Variants in ATF2 observed in about 807,000 individuals in gnomAD.
ATF2 encodes cyclic AMP-dependent transcription factor ATF-2.
A neutral mutation model predicts 60.6 loss-of-function variants in ATF2; 24 were observed. That is an observed-to-expected ratio of 0.40 (90% CI 0.29 to 0.56). ATF2 has a LOEUF of 0.56. Among genes scored for constraint, ATF2 ranks in the 20% least tolerant of loss-of-function variants. The pLI, the probability that ATF2 is intolerant of heterozygous loss-of-function variation, is 0.54. For missense variants in ATF2, 433 were observed against 607.7 expected (o/e 0.71, Z 3.02); for synonymous variants, 206 against 215.4 (o/e 0.96, Z 0.38).
intron 2 of ATF2, 146 bp from the exon 3 acceptor site, chr2:175,136,632 T>C (rs900152942): frequency 5.1e-6 from 3 of 585,266 alleles, no homozygotes; most frequent in Non-Finnish European, 9.2e-6. Flanking sequence ...AATAGAGTAC[T>C]GCTCTTGAAA....
chr2:175,131,618 A>T (rs1368385572), intron 3 of ATF2, among the ~76,000 whole-genome samples: 1 of 152,200 alleles, frequency 6.6e-6, no homozygotes, highest in African/African-American at 2.4e-5. Flanking sequence ...TCTAAATAAC[A>T]TATTATCCTT....
intron 5 of ATF2, among the ~76,000 whole-genome samples, chr2:175,120,761 CAT>C (rs1318426534): frequency 6.6e-6 from 1 of 151,434 alleles, no homozygotes; most frequent in Non-Finnish European, 1.5e-5. Flanking sequence ...TTATACATGA[CAT>C]ATATGTATAT....
chr2:175,121,130 T>C (rs1193979306), intron 5 of ATF2, among the ~76,000 whole-genome samples: 2 of 151,940 alleles, frequency 1.3e-5, no homozygotes, highest in African/African-American at 2.4e-5. Context: ...CTAAAAGAAA[T>C]GCTGACTAAA....
intron 10 of ATF2, among the ~76,000 whole-genome samples, chr2:175,109,168 T>TCAAAA (rs746681708): frequency 2.4e-5 from 2 of 82,602 alleles, no homozygotes; most frequent in Non-Finnish European, 4.4e-5. Flanking sequence ...GAATGATCAA[T>TCAAAA]AAAAAAAAAA....
chr2:175,108,561 G>A (rs1175927272), intron 10 of ATF2, among the ~76,000 whole-genome samples: 2 of 149,546 alleles, frequency 1.3e-5, no homozygotes, highest in Non-Finnish European at 3.0e-5. Context: ...GGAGGTGGGG[G>A]GCGCCTCCGC....
chr2:175,118,419 T>C, intron 5 of ATF2, 50 bp from the exon 6 acceptor site: 1 of 1,440,226 alleles, frequency 6.9e-7, no homozygotes, highest in Non-Finnish European at 9.6e-7. Context: ...ATGTTAAGAC[T>C]CTAAAATATA....
chr2:175,096,909 G>A (rs1035706342), intron 11 of ATF2, among the ~76,000 whole-genome samples: 4 of 152,068 alleles, frequency 2.6e-5, no homozygotes, highest in African/African-American at 9.7e-5. Context: ...GGTTACATAG[G>A]AGAACAGTTC....
chr2:175,148,645 C>A (rs895623753), intron 2 of ATF2, among the ~76,000 whole-genome samples: 4 of 152,086 alleles, frequency 2.6e-5, no homozygotes, highest in Non-Finnish European at 5.9e-5. Context: ...ACACAGAGAC[C>A]GTAAGATTGA....
In ATF2 at chr2:175,079,981, C is replaced by T. The variant is rs184224463; in HGVS notation, c.1291+679G>A. Among the ~76,000 whole-genome samples, 4 of 152,182 alleles carry T rather than the reference C, an allele frequency of 2.6e-5. No homozygotes were observed. In the East Asian group the frequency reaches 7.7e-4, roughly 29 times the overall value. On this transcript the variant is annotated intron_variant, in intron 13 of 13. Transcript: ENST00000264110. ...ATTCAAGAGTAACAGCTGGTTCCAA[C>T]ACTGTGCATCTTATCAAAAAAGAAG...
chr2:175,079,986 T>C (rs944565931), intron 13 of ATF2, among the ~76,000 whole-genome samples: 1 of 152,054 alleles, frequency 6.6e-6, no homozygotes, highest in Non-Finnish European at 1.5e-5. Context: ...TCCAACACTG[T>C]GCATCTTATC....
At chr2:175,094,640 C>CA (rs1216420542) in intron 11 of ATF2, among the ~76,000 whole-genome samples, 1 of 151,996 alleles carries the variant, frequency 6.6e-6, no homozygotes, top group Non-Finnish European at 1.5e-5. Context: ...GGTAAATTAC[C>CA]AAACTATTTT....
chr2:175,132,179 T>A (rs1052179666), intron 3 of ATF2, among the ~76,000 whole-genome samples: 1 of 152,208 alleles, frequency 6.6e-6, no homozygotes, highest in African/African-American at 2.4e-5. Flanking sequence ...AAAATGTTTT[T>A]GACTTCACAG....
At chr2:175,090,683 A>T (rs1694484122) in intron 12 of ATF2, among the ~76,000 whole-genome samples, 1 of 152,128 alleles carries the variant, frequency 6.6e-6, no homozygotes, top group African/African-American at 2.4e-5. Context: ...CTCAAGTTCA[A>T]ATGTAGAGCT....
At chr2:175,114,217 T>C (rs1696395026) in intron 8 of ATF2, 109 bp from the exon 9 acceptor site, 23 of 1,425,198 alleles carry the variant, frequency 1.6e-5, no homozygotes, top group Non-Finnish European at 2.1e-5. Context: ...AAAAATACAT[T>C]TTCTAACCAC....
chr2:175,142,732 T>A (rs1427398994), intron 2 of ATF2, among the ~76,000 whole-genome samples: 52 of 146,848 alleles, frequency 3.5e-4, no homozygotes, highest in Non-Finnish European at 7.5e-4. Flanking sequence ...TGTGTGTGTG[T>A]GTGTGTGTGT....
intron 2 of ATF2, among the ~76,000 whole-genome samples, chr2:175,146,722 C>T (rs1698981825): frequency 6.6e-6 from 1 of 152,094 alleles, no homozygotes; most frequent in Non-Finnish European, 1.5e-5. Context: ...CTTCTTGCTC[C>T]ATCCCACCTG....
chr2:175,144,512 G>A (rs774654105), intron 2 of ATF2, among the ~76,000 whole-genome samples: 7 of 152,110 alleles, frequency 4.6e-5, no homozygotes, highest in Non-Finnish European at 1.0e-4. Flanking sequence ...GAAATTAACC[G>A]GCAAAACACA....
At chr2:175,094,757 T>C (rs1490150194) in intron 11 of ATF2, among the ~76,000 whole-genome samples, 1 of 152,120 alleles carries the variant, frequency 6.6e-6, no homozygotes, top group African/African-American at 2.4e-5. Context: ...CTGGGCAACA[T>C]AGCAAAACCT....
At chr2:175,124,820 G>A (rs2698545) in intron 4 of ATF2, among the ~76,000 whole-genome samples, 112,157 of 151,880 alleles carry the variant, frequency 0.74, 42,375 homozygotes, top group East Asian at 0.87. Flanking sequence ...CAAAAGCAAA[G>A]ATACTACCAA....
Sources: allele counts gnomAD v4.1 joint callset (sites outside exome capture counted in the v4.1 genomes callset), GRCh38; gene constraint gnomAD v4.1.1; transcripts MANE v1.5; gene names NCBI Gene and HGNC (gene_info 2026-07-23, HGNC 2026-07-21).